The following CD276 variants were observed in gnomAD, a reference collection of about 807,000 sequenced individuals.
The protein encoded by CD276 is CD276 antigen.
CD276 carries 34 observed loss-of-function variants against 50.0 expected under a neutral mutation model. The observed-to-expected ratio is 0.68, with a 90% CI of 0.52 to 0.91. The LOEUF (loss-of-function observed/expected upper bound fraction) is 0.91, where lower values mean the gene tolerates loss of function less well. Ranked by LOEUF, CD276 falls within the 40% of genes least tolerant of loss-of-function variation. The probability of loss-of-function intolerance (pLI) is 0.00; values close to 1 mark genes in which losing one functional copy is unlikely to be tolerated. For synonymous variants in CD276, 275 were observed against 313.0 expected (o/e 0.88, Z 1.28); for missense variants, 634 against 717.5 (o/e 0.88, Z 1.33).
At chr15:73,693,000 C>T (rs1423635132) in intron 1 of CD276, among the ~76,000 whole-genome samples, 1 of 152,132 alleles carries the variant, frequency 6.6e-6, no homozygotes, top group Non-Finnish European at 1.5e-5. Flanking sequence ...GTTGATTGGT[C>T]CCCAGCCAGA....
rs780352101 is a variant in CD276 at position 73,713,674 on chromosome 15, C to G, written c.*718C>G. ...GTGCTGGAACACGTGTGGTTCCCCC[C>G]TGGCCCAGCCTCCTCTGCAGTGCCC... On this transcript the variant is annotated 3_prime_UTR_variant, in exon 10 of 10. Transcript: ENST00000318443. 6.5e-5 allele frequency: 27 copies of G among 415,592 alleles called. No homozygotes were observed. The highest frequency in any genetic ancestry group is 4.6e-4 in the South Asian group (27 of 58,924). 25.7% of individuals were successfully genotyped at this position (415,592 alleles called of 1,614,324 possible). A position where few individuals can be genotyped will look rare whatever the true frequency, so the allele number is the denominator to read the frequency against.
At chr15:73,700,731 A>G (rs867056464) in intron 2 of CD276, among the ~76,000 whole-genome samples, 10 of 152,124 alleles carry the variant, frequency 6.6e-5, no homozygotes, top group African/African-American at 1.7e-4. Context: ...ATTTTTCTAA[A>G]TGCAGGAAAC....
chr15:73,708,920 C>T (rs561244150), intron 7 of CD276, among the ~76,000 whole-genome samples: 36 of 152,292 alleles, frequency 2.4e-4, no homozygotes, highest in Admixed American at 2.0e-3. Flanking sequence ...CTGCCATTTG[C>T]GGGGCTGAGG....
chr15:73,693,083 A>G lies in CD276; in HGVS notation c.-54-6503A>G, dbSNP rs370975719. ...GGAGCTGGGTAGCAGCACAGGTAGG[A>G]ACACTCCTAACCCCGGTGTACTGAA... is the stretch of plus-strand genomic sequence containing the variant. On this transcript the variant is annotated intron_variant, in intron 1 of 9. Coordinates refer to ENST00000318443, the MANE Select transcript of CD276 (RefSeq NM_001024736.2). 2.4e-3 allele frequency among the ~76,000 whole-genome samples: 364 copies of G among 152,302 alleles called. 5 individuals are homozygous for G. The highest frequency in any genetic ancestry group is 0.011 in the South Asian group (51 of 4,822).
At chr15:73,693,172 T>TC (rs1176372479) in intron 1 of CD276, among the ~76,000 whole-genome samples, 1 of 152,134 alleles carries the variant, frequency 6.6e-6, no homozygotes, top group Non-Finnish European at 1.5e-5. Flanking sequence ...TCCTGTCCTC[T>TC]CCCTGAGGAC....
At chr15:73,694,907 G>A (rs1567014882) in intron 1 of CD276, among the ~76,000 whole-genome samples, 1 of 152,214 alleles carries the variant, frequency 6.6e-6, no homozygotes, top group East Asian at 1.9e-4. Context: ...GGCTGAGGCA[G>A]GAGGATCACT....
chr15:73,685,507 G>C, intron 1 of CD276, among the ~76,000 whole-genome samples: 1 of 150,582 alleles, frequency 6.6e-6, no homozygotes, highest in South Asian at 2.1e-4. Flanking sequence ...CGGGTGGGGG[G>C]GTGTTAGTTG....
intron 6 of CD276, among the ~76,000 whole-genome samples, chr15:73,706,744 T>G (rs1363005200): frequency 1.3e-5 from 2 of 152,244 alleles, no homozygotes; most frequent in African/African-American, 2.4e-5. Context: ...AGTGAAGTTG[T>G]GTGCTGTGCA....
In CD276 at chr15:73,688,960, A is replaced by G. The variant is rs993524079; in HGVS notation, c.-55+4500A>G. ...GGCTTCTGGAAAGGATAGGATTTCC[A>G]GATATGTTTAGGTGGGCACCTAGCA... On this transcript the variant is annotated intron_variant, in intron 1 of 9. Transcript: ENST00000318443. Among the ~76,000 whole-genome samples the G allele has an allele frequency of 3.9e-5, 6 of 152,152 alleles. No homozygotes were observed. The East Asian group carries it at 7.7e-4, about 20-fold the overall frequency.
intron 1 of CD276, among the ~76,000 whole-genome samples, chr15:73,689,521 T>A (rs896958689): frequency 6.6e-6 from 1 of 152,104 alleles, no homozygotes; most frequent in Non-Finnish European, 1.5e-5. Context: ...CTAGGGACCC[T>A]CCCATCTCTT....
chr15:73,708,365 G>A lies in CD276; in HGVS notation c.1396G>A (p.Ala466Thr), dbSNP rs371789053. ...TGQPMTFPPE[A>T]LWVTVGLSVC... ...GCAGCCTATGACATTCCCCCCAGAG[G>A]CCCTGTGGGTGACCGTGGGGCTGTC... Residue 466 changes from alanine to threonine, a missense_variant, in exon 7 of 10, where the codon GCC becomes ACC. By Grantham distance (58) the Ala-to-Thr change is moderately conservative (BLOSUM62 0). Coordinates refer to ENST00000318443, the MANE Select transcript of CD276 (RefSeq NM_001024736.2). 28 of 1,614,070 alleles carry A rather than the reference G, an allele frequency of 1.7e-5. No homozygotes were observed. The highest frequency in any genetic ancestry group is 2.3e-5 in the Non-Finnish European group (27 of 1,180,052).
intron 1 of CD276, among the ~76,000 whole-genome samples, chr15:73,688,083 G>GAGTC (rs1405154157): frequency 6.6e-6 from 1 of 152,166 alleles, no homozygotes; most frequent in African/African-American, 2.4e-5. Flanking sequence ...GCCAGAGATG[G>GAGTC]AGTCGAGTTG....
Position 73,702,316 on chromosome 15 carries a change from CCT to C in CD276, c.142_143del (p.Leu48ValfsTer7). The stretch of plus-strand genomic sequence containing the variant: ...TGGCACTGGTGGGCACCGATGCCAC[CCT>C]GTGCTGCTCCTTCTCCCCTGAGCCT... ...VVALVGTDAT[L>X]CCSFSPEPGF... On this transcript the variant is annotated frameshift_variant, in exon 3 of 10. Coordinates refer to ENST00000318443, the MANE Select transcript of CD276 (RefSeq NM_001024736.2). LOFTEE classifies it high-confidence loss of function. 1 of 1,613,378 alleles carries C rather than the reference CCT, an allele frequency of 6.2e-7. No individual in the cohort carries two copies. Among genetic ancestry groups the C allele is most frequent in the Non-Finnish European group, 8.5e-7 (1 of 1,179,972 alleles).
At chr15:73,710,185 G>A (rs866507034) in intron 8 of CD276, among the ~76,000 whole-genome samples, 6 of 152,230 alleles carry the variant, frequency 3.9e-5, no homozygotes, top group African/African-American at 1.4e-4. Context: ...ATCATATCTA[G>A]TGCCAAGTGC....
Position 73,713,023 on chromosome 15 carries a change from C to T in CD276, c.*67C>T. 1.4e-6 allele frequency: 2 copies of T among 1,451,126 alleles called. No homozygotes were observed. The highest frequency in any genetic ancestry group is 1.9e-6 in the Non-Finnish European group (2 of 1,040,434). The allele number at this position is 1,451,126 out of a possible 1,614,324, so 89.9% of individuals were successfully genotyped here. On this transcript the variant is annotated 3_prime_UTR_variant, in exon 10 of 10. Transcript: ENST00000318443. Reference sequence around the variant, plus strand: ...ACCCTCTGGCTGCAATGGGGCTGCACTGTGAGCCCTGCCCCCAACAGATGC... The same window carrying T: ...ACCCTCTGGCTGCAATGGGGCTGCATTGTGAGCCCTGCCCCCAACAGATGC...
At chr15:73,691,229 GAA>G (rs112815802) in intron 1 of CD276, among the ~76,000 whole-genome samples, 1 of 139,986 alleles carries the variant, frequency 7.1e-6, no homozygotes, top group East Asian at 2.1e-4. Context: ...GCACATTTAA[GAA>G]AAAAAAAAAA....
chr15:73,690,558 T>C (rs1899946669), intron 1 of CD276: 1 of 386,208 alleles, frequency 2.6e-6, no homozygotes, highest in South Asian at 1.9e-5. Context: ...CATTATCCTA[T>C]TGTGGAAGGG....
Position 73,710,995 on chromosome 15 carries a change from C to T in CD276, c.1547-140C>T, listed in dbSNP as rs1045901900. 5.1e-6 allele frequency: 4 copies of T among 791,174 alleles called. No homozygotes were observed. The African/African-American group carries it at 5.1e-5, about 10-fold the overall frequency. 49.0% of individuals were successfully genotyped at this position (791,174 alleles called of 1,614,324 possible). ...GGCTTGGGACAGCAACCTAGGGCCC[C>T]TTCCCTTGTGCTATGAAGTGGTCCC... is the stretch of plus-strand genomic sequence containing the variant. On this transcript the variant is annotated intron_variant, in intron 8 of 9. Coordinates refer to ENST00000318443, the MANE Select transcript of CD276 (RefSeq NM_001024736.2).
At chr15:73,712,867 A>C (rs895328767) in intron 9 of CD276, 67 bp from the exon 10 acceptor site, 53 of 1,554,326 alleles carry the variant, frequency 3.4e-5, no homozygotes, top group African/African-American at 8.1e-5. Context: ...GCATAATCCC[A>C]AAAATAGATC....
Sources: allele counts gnomAD v4.1 joint callset (sites outside exome capture counted in the v4.1 genomes callset), GRCh38; gene constraint gnomAD v4.1.1; transcripts MANE v1.5; gene names NCBI Gene and HGNC (gene_info 2026-07-23, HGNC 2026-07-21).